Variants in USP54 observed in about 807,000 individuals in gnomAD.
The protein encoded by USP54 is ubiquitin specific peptidase 54.
In USP54, 87 loss-of-function variants were observed where a neutral mutation model predicts 170.5. The ratio of observed to expected loss-of-function variants is 0.51; its 90% CI spans 0.43 to 0.61. USP54 has a LOEUF of 0.61. USP54 is among the 20% of genes least tolerant of loss of function. USP54 has a pLI of 0.00. For synonymous variants in USP54, 655 were observed against 742.8 expected (o/e 0.88, Z 1.92); for missense variants, 1,786 against 2,047.8 (o/e 0.87, Z 2.47).
At chr10:73,598,613 C>T (rs2078922668) in intron 1 of USP54, among the ~76,000 whole-genome samples, 2 of 151,860 alleles carry the variant, frequency 1.3e-5, no homozygotes, top group Non-Finnish European at 2.9e-5. Context: ...CCAATCTCTA[C>T]TAAAAATACA....
At chr10:73,549,144 C>G (rs2068635688) in intron 4 of USP54, among the ~76,000 whole-genome samples, 1 of 152,232 alleles carries the variant, frequency 6.6e-6, no homozygotes, top group Non-Finnish European at 1.5e-5. Flanking sequence ...TCAATGGTCA[C>G]TCCTTATCAG....
chr10:73,552,996 G>A (rs2069937159), intron 4 of USP54, among the ~76,000 whole-genome samples: 1 of 152,134 alleles, frequency 6.6e-6, no homozygotes, highest in African/African-American at 2.4e-5. Context: ...CAGTCTCTGA[G>A]ATCTGAGTAG....
intron 1 of USP54, among the ~76,000 whole-genome samples, chr10:73,587,489 G>A (rs1233595997): frequency 6.6e-6 from 1 of 151,856 alleles, no homozygotes; most frequent in East Asian, 1.9e-4. Flanking sequence ...AAAACAAAAA[G>A]TGCACCCTCT....
intron 4 of USP54, among the ~76,000 whole-genome samples, chr10:73,567,382 C>T (rs76786170): frequency 3.3e-5 from 5 of 151,828 alleles, no homozygotes; most frequent in Non-Finnish European, 5.9e-5. Context: ...CTATAGAAAC[C>T]GTACTGGGCT....
At chr10:73,525,527 T>C (rs1415399296) in intron 16 of USP54, among the ~76,000 whole-genome samples, 1 of 152,188 alleles carries the variant, frequency 6.6e-6, no homozygotes, top group Non-Finnish European at 1.5e-5. Context: ...TGAGACTCAG[T>C]CATTAGTGTA....
chr10:73,551,523 G>C (rs1188683974), intron 4 of USP54, among the ~76,000 whole-genome samples: 1 of 152,078 alleles, frequency 6.6e-6, no homozygotes, highest in African/African-American at 2.4e-5. Flanking sequence ...TTGAACCTTT[G>C]GAGAAATAAG....
intron 23 of USP54, among the ~76,000 whole-genome samples, chr10:73,500,098 G>A (rs2057768965): frequency 6.6e-6 from 1 of 152,088 alleles, no homozygotes; most frequent in African/African-American, 2.4e-5. Context: ...TACATCCAGT[G>A]CATGAGGGGA....
intron 4 of USP54, among the ~76,000 whole-genome samples, chr10:73,554,766 C>G (rs775736144): frequency 1.6e-4 from 25 of 152,210 alleles, no homozygotes; most frequent in Admixed American, 7.2e-4. Context: ...AAGTGCCAAA[C>G]ATTTTTCATT....
intron 1 of USP54, among the ~76,000 whole-genome samples, chr10:73,620,789 A>C (rs2081029591): frequency 6.7e-6 from 1 of 149,926 alleles, no homozygotes; most frequent in Non-Finnish European, 1.5e-5. Flanking sequence ...AATACAAAAA[A>C]TTATCTGGGT....
chr10:73,563,109 G>GC (rs1298089056), intron 4 of USP54, among the ~76,000 whole-genome samples: 1 of 151,950 alleles, frequency 6.6e-6, no homozygotes, highest in Non-Finnish European at 1.5e-5. Context: ...ACACCGACAT[G>GC]CCCAGATAAT....
chr10:73,591,269 A>G lies in USP54; in HGVS notation c.-582+9T>C, dbSNP rs16930731. ...TATCTGTTTTTACCACAACAACTAC[A>G]ATACTTACCAGACAGCACAGTCAAC... On this transcript the variant is annotated intron_variant, in intron 1 of 23. Transcript: ENST00000687698. 1 of 152,160 alleles carries G rather than the reference A, an allele frequency of 6.6e-6. No homozygotes were observed. The highest frequency in any genetic ancestry group is 1.9e-4 in the East Asian group (1 of 5,196). The allele number at this position is 152,160 out of a possible 1,614,324, so 9.4% of individuals were successfully genotyped here. A position where few individuals can be genotyped will look rare whatever the true frequency, so the allele number is the denominator to read the frequency against.
upstream of USP54, among the ~76,000 whole-genome samples, chr10:73,594,133 C>A (rs557728232): frequency 6.6e-6 from 1 of 151,506 alleles, no homozygotes; most frequent in South Asian, 2.1e-4. Context: ...TGCAGTGACA[C>A]GATCTCGGTT....
At chr10:73,540,620 G>A (rs1186784005) in intron 9 of USP54, among the ~76,000 whole-genome samples, 1 of 152,194 alleles carries the variant, frequency 6.6e-6, no homozygotes, top group Admixed American at 6.5e-5. Context: ...ACAGGGTCTT[G>A]CTATGCTGCC....
chr10:73,565,931 T>C (rs2133750836), intron 4 of USP54, among the ~76,000 whole-genome samples: 1 of 152,146 alleles, frequency 6.6e-6, no homozygotes, highest in East Asian at 1.9e-4. Context: ...GTGATTTATT[T>C]ACACAAAGAA....
intron 1 of USP54, among the ~76,000 whole-genome samples, chr10:73,615,432 C>T (rs867878600): frequency 6.7e-6 from 1 of 150,124 alleles, no homozygotes; most frequent in South Asian, 2.1e-4. Flanking sequence ...TGGATAATTA[C>T]AGTCAATAAT....
chr10:73,534,574 G>A, intron 12 of USP54, 26 bp downstream of exon 12: 1 of 1,608,698 alleles, frequency 6.2e-7, no homozygotes, highest in East Asian at 2.2e-5. Context: ...ATTCAGGCAA[G>A]CAGGACCCTC....
Position 73,498,404 on chromosome 10 carries a change from T to G in USP54, c.*225A>C. The G allele has an allele frequency of 3.7e-6, 1 of 272,126 alleles. No homozygotes were observed. The highest frequency in any genetic ancestry group is 6.9e-6 in the Non-Finnish European group (1 of 144,408). 16.9% of individuals were successfully genotyped at this position (272,126 alleles called of 1,614,324 possible). ...AATTCTCCTGCCTCAGCCTTCCGAG[T>G]AGTTGGGACTACAGGCACGCACCGT... On this transcript the variant is annotated 3_prime_UTR_variant, in exon 24 of 24. Coordinates refer to ENST00000687698, the MANE Select transcript of USP54 (RefSeq NM_001391956.1).
Position 73,516,359 on chromosome 10 carries a change from C to G in USP54, c.4051+16G>C. The G allele has an allele frequency of 1.3e-6, 2 of 1,591,662 alleles. No individual in the cohort carries two copies. Among genetic ancestry groups the G allele is most frequent in the Non-Finnish European group, 1.7e-6 (2 of 1,170,096 alleles). ...TGATCCTCCCCCCTCCCCCCAACCC[C>G]TGGTTGCATTCTTACCTGTTTGGCT... On this transcript the variant is annotated intron_variant, in intron 20 of 23. Transcript: ENST00000687698.
At chr10:73,607,788 G>A (rs549400341) in intron 1 of USP54, among the ~76,000 whole-genome samples, 2 of 144,926 alleles carry the variant, frequency 1.4e-5, no homozygotes, top group Non-Finnish European at 1.5e-5. Flanking sequence ...CCAAGATCAC[G>A]CCACTGCACC....
Sources: gnomAD v4.1 joint callset for allele counts (sites outside exome capture counted in the v4.1 genomes callset) on GRCh38, gnomAD v4.1.1 for gene constraint, MANE v1.5 for transcripts, NCBI Gene and HGNC (gene_info 2026-07-23, HGNC 2026-07-21) for gene names.